Variants in SMTN observed in about 807,000 individuals in gnomAD.
SMTN encodes smoothelin.
In SMTN, 58 loss-of-function variants were observed where a neutral mutation model predicts 102.0. The observed-to-expected ratio is 0.57, with a 90% CI of 0.46 to 0.71. SMTN has a LOEUF of 0.71. Among genes scored for constraint, SMTN ranks in the 30% least tolerant of loss-of-function variants. The pLI is 0.00. For missense variants in SMTN, 1,185 were observed against 1,241.7 expected (o/e 0.95, Z 0.69); for synonymous variants, 478 against 497.9 (o/e 0.96, Z 0.53).
chr22:31,098,442 G>T (rs993240162), intron 16 of SMTN, among the ~76,000 whole-genome samples: 9 of 152,084 alleles, frequency 5.9e-5, no homozygotes, highest in Admixed American at 4.6e-4. Flanking sequence ...CTACTCGTGG[G>T]TGGGGGAGGG....
At position 31,083,339 on chromosome 22, in the gene SMTN, C is replaced by G. The variant is rs1291395434; in HGVS notation, c.51+30C>G. The G allele has an allele frequency of 4.0e-6, 6 of 1,518,914 alleles. No homozygotes were observed. In the East Asian group the frequency reaches 9.3e-5, roughly 23 times the overall value. The allele number at this position is 1,518,914 out of a possible 1,614,324, so 94.1% of individuals were successfully genotyped here. A position where few individuals can be genotyped will look rare whatever the true frequency, so the allele number is the denominator to read the frequency against. ...GTGGCCCCATCACCCACTGTGGGGACAGGAAAGCCAAGCCAGAGAGGCAGG... is the reference window on the plus strand; with the variant it reads ...GTGGCCCCATCACCCACTGTGGGGAGAGGAAAGCCAAGCCAGAGAGGCAGG... On this transcript the variant is annotated intron_variant, in intron 2 of 20. Coordinates refer to ENST00000333137, the MANE Select transcript of SMTN (RefSeq NM_134269.3).
At chr22:31,082,921 A>T (rs1485312923) in intron 1 of SMTN, 2 of 1,540,466 alleles carry the variant, frequency 1.3e-6, no homozygotes, top group East Asian at 2.4e-5. Flanking sequence ...TTTAGACAGG[A>T]TGAGAGTCCA....
At position 31,099,187 on chromosome 22, in the gene SMTN, C is replaced by T; in HGVS notation, c.2451+8C>T. ...AAGACTCGCGGCTACGAGGTGAGCCCCGGGAGGCCAGGGGGCCTGGAGGCC... is the reference window on the plus strand; with the variant it reads ...AAGACTCGCGGCTACGAGGTGAGCCTCGGGAGGCCAGGGGGCCTGGAGGCC... On this transcript the variant is annotated splice_region_variant and intron_variant, in intron 18 of 20. Transcript: ENST00000333137. 6.2e-7 allele frequency: 1 copy of T among 1,604,870 alleles called. No homozygotes were observed. Among genetic ancestry groups the T allele is most frequent in the South Asian group, 1.1e-5 (1 of 90,780 alleles).
At chr22:31,093,690 A>T in intron 11 of SMTN, 1 of 944,310 alleles carries the variant, frequency 1.1e-6, no homozygotes, top group Non-Finnish European at 1.7e-6. Flanking sequence ...TGCTGAGCCT[A>T]CGGCTGGGGG....
rs866181605 is a variant in SMTN at position 31,091,162 on chromosome 22, G to A, written c.1139G>A (p.Gly380Asp). Reference sequence around the variant, plus strand: ...ACCACCCCTGCCTCCTCCTCCAGCGGCTCCTCCTCTCGGGGCCCCAGTGAT... The same window carrying A: ...ACCACCCCTGCCTCCTCCTCCAGCGACTCCTCCTCTCGGGGCCCCAGTGAT... ...TSTTPASSSS[G>D]SSSRGPSDTS... The change falls in exon 10 of 21, where the codon GGC becomes GAC. Residue 380 changes from glycine (G) to aspartate (D), a missense_variant. Coordinates refer to ENST00000333137, the MANE Select transcript of SMTN (RefSeq NM_134269.3). 9.9e-5 allele frequency: 159 copies of A among 1,613,718 alleles called. No individual in the cohort carries two copies. The Middle Eastern group carries it at 4.0e-3, about 40-fold the overall frequency.
At chr22:31,064,809 C>G (rs930187825) in intron 1 of SMTN, 3 of 152,208 alleles carry the variant, frequency 2.0e-5, no homozygotes, top group African/African-American at 7.2e-5. Flanking sequence ...CTTCACCTAG[C>G]TTTCCCTGAT....
At chr22:31,093,463 G>C in intron 11 of SMTN, 1 of 585,900 alleles carries the variant, frequency 1.7e-6, no homozygotes, top group East Asian at 3.2e-5. Flanking sequence ...GGGGGTACCA[G>C]GGCCTGGGCC....
intron 1 of SMTN, among the ~76,000 whole-genome samples, chr22:31,076,232 G>A (rs2042125321): frequency 1.3e-5 from 2 of 152,198 alleles, no homozygotes; most frequent in Admixed American, 6.5e-5. Flanking sequence ...GGAAGATGCA[G>A]AGCCCTTCTG....
At chr22:31,084,565 T>TC (rs1476678866) in intron 2 of SMTN, among the ~76,000 whole-genome samples, 3 of 152,014 alleles carry the variant, frequency 2.0e-5, no homozygotes, top group African/African-American at 7.2e-5. Context: ...CCTCAGGAAG[T>TC]CCAAGTCCCA....
chr22:31,088,173 C>T, intron 3 of SMTN, 60 bp downstream of exon 3: 1 of 1,525,456 alleles, frequency 6.6e-7, no homozygotes, highest in Non-Finnish European at 8.9e-7. Context: ...TGGCTCAGCT[C>T]ATGTGTGCAG....
chr22:31,094,014 T>A lies in SMTN; in HGVS notation c.1633-1289T>A, dbSNP rs2043361064. ...GACTGGGGCACTAGTGCTCTAAGAC[T>A]AGGGCAAGAGGGTGCCAGGCTCCAG... is the stretch of plus-strand genomic sequence containing the variant. On this transcript the variant is annotated intron_variant, in intron 11 of 20. Coordinates refer to ENST00000333137, the MANE Select transcript of SMTN (RefSeq NM_134269.3). 3 of 672,190 alleles carry A rather than the reference T, an allele frequency of 4.5e-6. No homozygotes were observed. The South Asian group carries it at 5.9e-5, about 13-fold the overall frequency. 41.6% of individuals were successfully genotyped at this position (672,190 alleles called of 1,614,324 possible).
intron 2 of SMTN, chr22:31,085,191 C>T (rs997466365): frequency 1.6e-5 from 25 of 1,535,364 alleles, no homozygotes; most frequent in Non-Finnish European, 1.9e-5. Context: ...GCTGGGTGTC[C>T]TGGGGACCTT....
chr22:31,100,190 C>T (rs2043960053), intron 19 of SMTN, among the ~76,000 whole-genome samples: 1 of 152,082 alleles, frequency 6.6e-6, no homozygotes, highest in Non-Finnish European at 1.5e-5. Flanking sequence ...CCTTCTCCCT[C>T]TCTCTCCCTT....
At position 31,098,756 on chromosome 22, in the gene SMTN, T is replaced by C. The variant is rs2043820717; in HGVS notation, c.2249T>C (p.Met750Thr). 8.1e-6 allele frequency: 13 copies of C among 1,613,006 alleles called. No individual in the cohort carries two copies. Among genetic ancestry groups the C allele is most frequent in the Non-Finnish European group, 1.1e-5 (13 of 1,179,832 alleles). ...KRQAEKKKEL[M>T]KAQSLPKTSA... ...CAGGCCGAGAAGAAGAAAGAGCTGA[T>C]GAAGGCGCAGAGTCTGCCCAAGACC... Residue 750 changes from methionine (M) to threonine (T), a missense_variant, in exon 17 of 21, where the codon ATG becomes ACG. Physicochemically the swap from Met to Thr is moderately conservative, Grantham distance 81. Transcript: ENST00000333137.
At chr22:31,085,186 G>T (rs1569242257) in intron 2 of SMTN, 1 of 1,535,514 alleles carries the variant, frequency 6.5e-7, no homozygotes, top group Non-Finnish European at 8.7e-7. Context: ...ACTCAGCTGG[G>T]TGTCCTGGGG....
At chr22:31,100,756 G>A in intron 19 of SMTN, 129 bp from the exon 20 acceptor site, 1 of 614,842 alleles carries the variant, frequency 1.6e-6, no homozygotes, top group Non-Finnish European at 2.9e-6. Flanking sequence ...CTCTGTGTGT[G>A]TGTGTGTATG....
At chr22:31,068,678 G>A (rs986395449) in intron 1 of SMTN, among the ~76,000 whole-genome samples, 2 of 152,152 alleles carry the variant, frequency 1.3e-5, no homozygotes, top group African/African-American at 2.4e-5. Context: ...CTTCGTTGAC[G>A]CCAGATCCTT....
At chr22:31,094,167 C>T (rs531512456) in intron 11 of SMTN, among the ~76,000 whole-genome samples, 3 of 152,376 alleles carry the variant, frequency 2.0e-5, no homozygotes, top group Admixed American at 2.0e-4. Context: ...CTCAGCTCTC[C>T]TTACCCTTAT....
intron 8 of SMTN, 94 bp downstream of exon 8, chr22:31,090,274 G>C: frequency 2.0e-6 from 2 of 1,012,666 alleles, no homozygotes; most frequent in Non-Finnish European, 2.9e-6. Context: ...GTGCCTGGCA[G>C]CTCTAGCTTC....
Sources: gnomAD v4.1 joint callset for allele counts (sites outside exome capture counted in the v4.1 genomes callset) on GRCh38, gnomAD v4.1.1 for gene constraint, MANE v1.5 for transcripts, NCBI Gene and HGNC (gene_info 2026-07-23, HGNC 2026-07-21) for gene names.